The following COL24A1 variants were observed in gnomAD, a reference collection of about 807,000 sequenced individuals.
COL24A1 encodes collagen alpha-1(XXIV) chain.
Under a neutral mutation model 253.9 loss-of-function variants are expected in COL24A1, and 224 were observed. That is an observed-to-expected ratio of 0.88 (90% CI 0.79 to 0.99). The LOEUF (loss-of-function observed/expected upper bound fraction) is 0.99, where lower values mean the gene tolerates loss of function less well. Ranked by LOEUF, COL24A1 falls within the 50% of genes least tolerant of loss-of-function variation. The pLI is 0.00. For missense variants in COL24A1, 2,131 were observed against 2,068.5 expected, an observed-to-expected ratio of 1.03 and a Z score of -0.59; for synonymous variants, 685 against 673.7, an observed-to-expected ratio of 1.02 and a Z score of -0.26.
At chr1:85,891,611 T>C (rs930779504) in intron 31 of COL24A1, among the ~76,000 whole-genome samples, 1 of 152,186 alleles carries the variant, frequency 6.6e-6, no homozygotes, top group African/African-American at 2.4e-5. Context: ...AGGCCCTGTT[T>C]CAGTCATGTA....
At chr1:85,742,159 A>G (rs1418015942) in intron 57 of COL24A1, among the ~76,000 whole-genome samples, 1 of 142,524 alleles carries the variant, frequency 7.0e-6, no homozygotes, top group Non-Finnish European at 1.5e-5. Context: ...TTTGAGACAG[A>G]GTCTCACTCT....
intron 32 of COL24A1, among the ~76,000 whole-genome samples, chr1:85,885,907 C>T (rs1472552856): frequency 3.9e-5 from 6 of 152,244 alleles, no homozygotes; most frequent in South Asian, 2.1e-4. Context: ...AGAACTCTGT[C>T]TTTATGGCCT....
chr1:85,856,363 C>A (rs939970231), intron 37 of COL24A1, among the ~76,000 whole-genome samples: 1 of 152,164 alleles, frequency 6.6e-6, no homozygotes, highest in African/African-American at 2.4e-5. Flanking sequence ...ACTGCTTTAG[C>A]TGTATCCCAG....
At chr1:85,951,336 G>A (rs543604093) in intron 24 of COL24A1, among the ~76,000 whole-genome samples, 5 of 152,234 alleles carry the variant, frequency 3.3e-5, no homozygotes, top group Non-Finnish European at 7.4e-5. Flanking sequence ...AGGAAGAAAC[G>A]GAATCTAACT....
Position 85,847,755 on chromosome 1 carries a change from TA to T in COL24A1, c.3371del (p.Ile1124LysfsTer34), listed in dbSNP as rs779097679. ...TGCTTCCAACTTCTCCTGTGGGTCC[TA>T]TTTGTCCTTTATCACCCTGTGGATG... ...RPGKKGDKGQ[I>X]GPTGEVGSRG... is the part of the protein sequence containing the mutation. On this transcript the variant is annotated frameshift_variant, in exon 39 of 60. Transcript: ENST00000370571. LOFTEE classifies it high-confidence loss of function. 1 of 1,613,640 alleles carries T rather than the reference TA, an allele frequency of 6.2e-7. No homozygotes were observed. The highest frequency in any genetic ancestry group is 1.1e-5 in the South Asian group (1 of 91,030).
chr1:86,073,514 G>A (rs1702018184), intron 7 of COL24A1, among the ~76,000 whole-genome samples: 1 of 152,176 alleles, frequency 6.6e-6, no homozygotes, highest in African/African-American at 2.4e-5. Context: ...ACCTAAAAGT[G>A]ACAGGGAAGA....
intron 45 of COL24A1, 73 bp downstream of exon 45, chr1:85,823,463 T>C (rs1673869949): frequency 1.5e-6 from 2 of 1,351,276 alleles, no homozygotes; most frequent in African/African-American, 1.4e-5. Flanking sequence ...CAATAAATAG[T>C]AACTCCTTGT....
At chr1:85,823,094 T>C (rs1397319668) in intron 45 of COL24A1, among the ~76,000 whole-genome samples, 2 of 152,240 alleles carry the variant, frequency 1.3e-5, no homozygotes, top group Non-Finnish European at 2.9e-5. Flanking sequence ...GCTATACCTA[T>C]TGTAATAGTC....
At chr1:85,796,571 A>G (rs1354371530) in intron 47 of COL24A1, among the ~76,000 whole-genome samples, 1 of 152,230 alleles carries the variant, frequency 6.6e-6, no homozygotes, top group Admixed American at 6.5e-5. Flanking sequence ...AACCCTGTGA[A>G]CACACCAAAC....
intron 55 of COL24A1, among the ~76,000 whole-genome samples, chr1:85,748,333 A>T (rs1203805829): frequency 1.3e-5 from 2 of 152,218 alleles, no homozygotes; most frequent in African/African-American, 4.8e-5. Context: ...TTTTGAAGCA[A>T]TCACTACAGT....
intron 8 of COL24A1, 37 bp from the exon 9 acceptor site, chr1:86,059,211 CA>C: frequency 6.9e-7 from 1 of 1,453,530 alleles, no homozygotes; most frequent in South Asian, 1.3e-5. Context: ...ATAGCAAAGC[CA>C]AAGGAAACAA....
At chr1:86,109,615 T>G (rs573250274) in intron 5 of COL24A1, among the ~76,000 whole-genome samples, 1 of 152,300 alleles carries the variant, frequency 6.6e-6, no homozygotes, top group Non-Finnish European at 1.5e-5. Flanking sequence ...TTAACCCCAA[T>G]CTATATGATT....
At chr1:85,981,307 G>C (rs2100861621) in intron 20 of COL24A1, among the ~76,000 whole-genome samples, 1 of 152,156 alleles carries the variant, frequency 6.6e-6, no homozygotes, top group African/African-American at 2.4e-5. Context: ...TAGACCAATG[G>C]GCCAGACAAG....
intron 24 of COL24A1, among the ~76,000 whole-genome samples, chr1:85,911,799 AC>A (rs1685395786): frequency 1.3e-5 from 2 of 152,156 alleles, no homozygotes; most frequent in South Asian, 4.1e-4. Context: ...TTCTGTAACT[AC>A]CTTTTTTGAA....
intron 9 of COL24A1, 95 bp downstream of exon 9, chr1:86,059,025 TA>T (rs1302963653): frequency 1.8e-5 from 13 of 734,260 alleles, no homozygotes; most frequent in Admixed American, 3.3e-5. Flanking sequence ...CATTATTTAA[TA>T]AAAAAACTAT....
At position 86,040,694 on chromosome 1, in the gene COL24A1, C is replaced by T. The variant is rs76408828; in HGVS notation, c.1950+6131G>A. 2.5e-3 allele frequency among the ~76,000 whole-genome samples: 373 copies of T among 152,172 alleles called. 10 individuals carry two copies. The East Asian group carries it at 0.046, about 19-fold the overall frequency. On this transcript the variant is annotated intron_variant, in intron 12 of 59. Transcript: ENST00000370571. ...TCCTGAAATCTTCCATACACCCTGT[C>T]ATACTACAGTTAGCCAAATATAGCT...
At chr1:86,071,700 T>A (rs983272904) in intron 7 of COL24A1, among the ~76,000 whole-genome samples, 1 of 152,084 alleles carries the variant, frequency 6.6e-6, no homozygotes, top group Non-Finnish European at 1.5e-5. Flanking sequence ...GATACAATGA[T>A]TGTAAATATA....
intron 57 of COL24A1, 61 bp from the exon 58 acceptor site, chr1:85,737,566 C>CTTT: frequency 1.5e-5 from 14 of 930,626 alleles, no homozygotes; most frequent in Admixed American, 6.1e-5. Flanking sequence ...CTTATAATTT[C>CTTT]TTTTTTTTTT....
intron 20 of COL24A1, among the ~76,000 whole-genome samples, chr1:85,978,903 T>A (rs1445635412): frequency 6.6e-6 from 1 of 152,038 alleles, no homozygotes; most frequent in Non-Finnish European, 1.5e-5. Flanking sequence ...TTCATCAGAG[T>A]ATAGAACATT....
Sources: gnomAD v4.1 joint callset for allele counts (sites outside exome capture counted in the v4.1 genomes callset) on GRCh38, gnomAD v4.1.1 for gene constraint, MANE v1.5 for transcripts, NCBI Gene and HGNC (gene_info 2026-07-23, HGNC 2026-07-21) for gene names.